The following CCNL2 variants were observed in gnomAD, a reference collection of about 807,000 sequenced individuals.
CCNL2 encodes cyclin-L2.
In CCNL2, 28 loss-of-function variants were observed where a neutral mutation model predicts 59.1. The observed-to-expected ratio is 0.47, with a 90% confidence interval of 0.35 to 0.65. CCNL2 has a LOEUF of 0.65. Among genes scored for constraint, CCNL2 ranks in the 30% least tolerant of loss-of-function variants. The pLI, the probability that CCNL2 is intolerant of heterozygous loss-of-function variation, is 0.00. For missense variants in CCNL2, 714 were observed against 717.4 expected, an observed-to-expected ratio of 1.00 and a Z score of 0.05; for synonymous variants, 342 against 288.6, an observed-to-expected ratio of 1.19 and a Z score of -1.88.
intron 3 of CCNL2, among the ~76,000 whole-genome samples, chr1:1,396,674 G>A (rs992177222): frequency 6.3e-5 from 9 of 142,024 alleles, no homozygotes; most frequent in Middle Eastern, 4.2e-3. Flanking sequence ...CTAACTCCCC[G>A]GTTCCAGCGA....
chr1:1,390,579 C>T lies in CCNL2; in HGVS notation c.760-16G>A. On this transcript the variant is annotated splice_polypyrimidine_tract_variant and intron_variant, in intron 6 of 10. Coordinates refer to ENST00000400809, the MANE Select transcript of CCNL2 (RefSeq NM_030937.6). The stretch of plus-strand genomic sequence containing the variant: ...GCAAAGGGATCTGTAAAAACAAACA[C>T]TATCATCATTACACTTTCCTCAACT... 6.3e-7 allele frequency: 1 copy of T among 1,593,664 alleles called. No homozygotes were observed. Among genetic ancestry groups the T allele is most frequent in the Middle Eastern group, 1.7e-4 (1 of 6,014 alleles).
chr1:1,397,467 T>C (rs151189192), intron 3 of CCNL2, among the ~76,000 whole-genome samples: 2 of 152,192 alleles, frequency 1.3e-5, no homozygotes, highest in African/African-American at 2.4e-5. Flanking sequence ...TATGAGAGAA[T>C]TTCTGGCTGT....
intron 6 of CCNL2, 47 bp from the exon 7 acceptor site, chr1:1,390,610 G>T: frequency 6.5e-7 from 1 of 1,538,994 alleles, no homozygotes; most frequent in Non-Finnish European, 9.0e-7. Context: ...CAACTTCACG[G>T]CCAGCAAGAC....
intron 5 of CCNL2, 120 bp from the exon 6 acceptor site, chr1:1,390,985 A>C (rs1227112527): frequency 2.1e-6 from 2 of 943,272 alleles, no homozygotes; most frequent in East Asian, 2.5e-5. Context: ...TATTGCTAGG[A>C]CTCAGAGCTA....
rs114112990 is a variant in CCNL2, at chr1:1,399,139, G to A, written c.168C>T (p.Asp56=). 12 of 1,612,240 alleles carry A rather than the reference G, an allele frequency of 7.4e-6. No homozygotes were observed. In the Middle Eastern group the frequency reaches 4.9e-4, roughly 66 times the overall value. The change falls in exon 1 of 11, where the codon GAC becomes GAT. Residue 56 remains aspartate (D), a synonymous_variant. Transcript: ENST00000400809. ...TGGACGGCGTGAAACGGAGCTTGTC[G>A]TCAGGCAGGAGGCAGTTCTCCAAGG... ...LITLENCLLP[D]DKLRFTPSMS...
chr1:1,390,312 T>G lies in CCNL2; in HGVS notation c.924A>C (p.Ala308=). The change falls in exon 8 of 11, where the codon GCA becomes GCC. Residue 308 remains alanine (A), a synonymous_variant. Transcript: ENST00000400809. ...GCAACAGGCCCCGGGCTTGGGCCTT[T>G]GCCTCTTCGATAGCGTGCTTTCTTT... ...VEKRKHAIEE[A]KAQARGLLPG... is the part of the protein sequence containing the mutation. The G allele has an allele frequency of 1.2e-6, 2 of 1,614,042 alleles. No individual in the cohort carries two copies. Among genetic ancestry groups the G allele is most frequent in the Non-Finnish European group, 1.7e-6 (2 of 1,179,948 alleles).
Position 1,387,812 on chromosome 1 carries a change from C to T in CCNL2, c.1176G>A (p.Ser392=), listed in dbSNP as rs1434182974. ...SRSRSREQSY[S]RSPSRSASPK... ...GAGACGCTGATCGGGATGGGGACCT[C>T]GAGTAGCTCTGCTCACGGCTCCGGC... Residue 392 remains serine, a synonymous_variant, in exon 10 of 11, where the codon TCG becomes TCA. Transcript: ENST00000400809. The T allele has an allele frequency of 2.5e-6, 4 of 1,613,140 alleles. No individual in the cohort carries two copies. The highest frequency in any genetic ancestry group is 1.7e-4 in the Middle Eastern group (1 of 6,054).
chr1:1,391,164 T>C, intron 5 of CCNL2: 1 of 1,169,268 alleles, frequency 8.6e-7, no homozygotes, highest in Non-Finnish European at 1.1e-6. Flanking sequence ...ACTTTACTTT[T>C]CCCCTCAACC....
At chr1:1,390,078 A>C (rs554328504) in intron 8 of CCNL2, 152 bp downstream of exon 8, 1 of 705,748 alleles carries the variant, frequency 1.4e-6, no homozygotes, top group Non-Finnish European at 2.3e-6. Context: ...CGATCACACC[A>C]CCATACTCCA....
At chr1:1,391,327 G>A in intron 5 of CCNL2, 1 of 1,158,574 alleles carries the variant, frequency 8.6e-7, no homozygotes, top group Non-Finnish European at 1.1e-6. Context: ...CAAAGCCGGT[G>A]TGGCTGCTGG....
intron 3 of CCNL2, among the ~76,000 whole-genome samples, chr1:1,396,605 A>G (rs1569999391): frequency 2.6e-5 from 2 of 78,358 alleles, no homozygotes; most frequent in Admixed American, 1.5e-4. Flanking sequence ...TTTGAGACAG[A>G]GTTTCACTTT....
chr1:1,393,715 G>A (rs1644865287), intron 4 of CCNL2, among the ~76,000 whole-genome samples: 1 of 152,218 alleles, frequency 6.6e-6, no homozygotes, highest in South Asian at 2.1e-4. Flanking sequence ...TCATGGGGCT[G>A]GTTTCATTCT....
Position 1,387,928 on chromosome 1 carries a change from C to A in CCNL2, c.1118+26G>T, listed in dbSNP as rs559430048. The A allele has an allele frequency of 1.1e-5, 18 of 1,613,238 alleles. No individual in the cohort carries two copies. The African/African-American group carries it at 2.1e-4, about 19-fold the overall frequency. Reference sequence around the variant, plus strand: ...AAGTCCCTCCAGCCAACCCTGACAGCCACCTGGGCAGCCCTGGGGTCCTAC... The same window carrying A: ...AAGTCCCTCCAGCCAACCCTGACAGACACCTGGGCAGCCCTGGGGTCCTAC... On this transcript the variant is annotated intron_variant, in intron 9 of 10. Coordinates refer to ENST00000400809, the MANE Select transcript of CCNL2 (RefSeq NM_030937.6).
Position 1,386,294 on chromosome 1 carries a change from G to A in CCNL2, c.*937C>T, listed in dbSNP as rs1231474825. 6 of 152,278 alleles carry A rather than the reference G, an allele frequency of 3.9e-5. No homozygotes were observed. The highest frequency in any genetic ancestry group is 3.9e-4 in the Admixed American group (6 of 15,284). The allele number at this position is 152,278 out of a possible 1,614,324, so 9.4% of individuals were successfully genotyped here. A position where few individuals can be genotyped will look rare whatever the true frequency, so the allele number is the denominator to read the frequency against. On this transcript the variant is annotated 3_prime_UTR_variant, in exon 11 of 11. Transcript: ENST00000400809. ...CCTATGGCCCTGCAGGAAGGAGCCT[G>A]TCATCCTGATGGGCAGAGGACTCAG...
intron 1 of CCNL2, 81 bp from the exon 2 acceptor site, chr1:1,398,752 C>G: frequency 3.0e-6 from 4 of 1,337,452 alleles, no homozygotes; most frequent in Non-Finnish European, 4.3e-6. Flanking sequence ...TAACGTGGGA[C>G]TCCCCACGCA....
At chr1:1,397,321 G>T (rs1280617515) in intron 3 of CCNL2, among the ~76,000 whole-genome samples, 1 of 152,078 alleles carries the variant, frequency 6.6e-6, no homozygotes, top group African/African-American at 2.4e-5. Context: ...TGGAAACAGG[G>T]CCTCACCCTG....
intron 6 of CCNL2, 65 bp downstream of exon 6, chr1:1,390,701 A>G: frequency 6.5e-7 from 1 of 1,529,836 alleles, no homozygotes. Context: ...AACACAGTAA[A>G]GTTTACTGGA....
intron 1 of CCNL2, 118 bp from the exon 2 acceptor site, chr1:1,398,789 GTCCACAAAGGCTC>G: frequency 8.0e-7 from 1 of 1,249,166 alleles, no homozygotes; most frequent in South Asian, 1.3e-5. Context: ...CGCTTCCCAC[GTCCACAAAGGCTC>G]TTCGCGTCCC....
intron 9 of CCNL2, 22 bp downstream of exon 9, chr1:1,387,932 C>G: frequency 1.9e-6 from 3 of 1,613,208 alleles, no homozygotes; most frequent in Non-Finnish European, 8.5e-7. Flanking sequence ...TGACAGCCAC[C>G]TGGGCAGCCC....
Sources: allele counts gnomAD v4.1 joint callset (sites outside exome capture counted in the v4.1 genomes callset), GRCh38; gene constraint gnomAD v4.1.1; transcripts MANE v1.5; gene names NCBI Gene and HGNC (gene_info 2026-07-23, HGNC 2026-07-21).